Variants in SGK3 observed in about 807,000 individuals in gnomAD.
SGK3 encodes the protein serum/glucocorticoid regulated kinase family member 3, also known as serine/threonine-protein kinase Sgk3.
In SGK3, 47 loss-of-function variants were observed where a neutral mutation model predicts 68.5. The observed-to-expected ratio is 0.69, with a 90% CI of 0.54 to 0.87. The LOEUF (loss-of-function observed/expected upper bound fraction) is 0.87. Among genes scored for constraint, SGK3 ranks in the 40% least tolerant of loss-of-function variants. SGK3 has a pLI of 0.00. For missense variants in SGK3, 479 were observed against 575.5 expected, an observed-to-expected ratio of 0.83 and a Z score of 1.72; for synonymous variants, 181 against 189.1, an observed-to-expected ratio of 0.96 and a Z score of 0.35.
intron 16 of SGK3, among the ~76,000 whole-genome samples, chr8:66,858,912 A>G (rs1810641593): frequency 6.6e-6 from 1 of 152,308 alleles, no homozygotes; most frequent in Non-Finnish European, 1.5e-5. Context: ...TTAGGAGGAC[A>G]GATAACTTGA....
At position 66,771,065 on chromosome 8, in the gene SGK3, G is replaced by A. The variant is rs1413777115; in HGVS notation, c.-121-22551G>A. Among the ~76,000 whole-genome samples, 3 of 152,008 alleles carry A rather than the reference G, an allele frequency of 2.0e-5. No individual in the cohort carries two copies. The South Asian group carries it at 6.2e-4, about 32-fold the overall frequency. ...TCTTTTTCGTTTTTCCTTTTGGTTG[G>A]TTCAGGTGGGAGGGTCAATTTGGTC... is the stretch of plus-strand genomic sequence containing the variant. On this transcript the variant is annotated intron_variant, in intron 1 of 16. Transcript: ENST00000521198.
intron 1 of SGK3, among the ~76,000 whole-genome samples, chr8:66,785,090 C>T (rs1807145853): frequency 6.6e-6 from 1 of 152,242 alleles, no homozygotes; most frequent in African/African-American, 2.4e-5. Flanking sequence ...TTGACCCTTC[C>T]TGGTGGCAGA....
chr8:66,764,381 C>T (rs1806256349), intron 1 of SGK3, among the ~76,000 whole-genome samples: 1 of 152,032 alleles, frequency 6.6e-6, no homozygotes, highest in African/African-American at 2.4e-5. Flanking sequence ...AATGTTTCTG[C>T]TTTTAGTCCT....
intron 1 of SGK3, among the ~76,000 whole-genome samples, chr8:66,786,925 C>CTTTTTTTTTTTT (rs71249407): frequency 2.1e-5 from 1 of 48,684 alleles, no homozygotes; most frequent in African/African-American, 8.3e-5. Context: ...TTTTCTCTGT[C>CTTTTTTTTTTTT]TTTTTTTTTT....
intron 3 of SGK3, among the ~76,000 whole-genome samples, chr8:66,803,239 C>T (rs1808019347): frequency 1.3e-5 from 2 of 152,264 alleles, no homozygotes; most frequent in Middle Eastern, 3.4e-3. Flanking sequence ...TTACTGACAG[C>T]GTGCCCCATG....
intron 1 of SGK3, among the ~76,000 whole-genome samples, chr8:66,789,866 T>C (rs1311856541): frequency 1.3e-5 from 2 of 152,068 alleles, no homozygotes; most frequent in African/African-American, 2.4e-5. Flanking sequence ...TTGCTTGAGC[T>C]CAGAAGTTCG....
At chr8:66,768,402 G>T (rs1256460479) in intron 1 of SGK3, among the ~76,000 whole-genome samples, 1 of 149,624 alleles carries the variant, frequency 6.7e-6, no homozygotes, top group Non-Finnish European at 1.5e-5. Context: ...TGAGTCTACT[G>T]GTTATGAATT....
intron 5 of SGK3, among the ~76,000 whole-genome samples, chr8:66,819,821 T>C (rs1808737216): frequency 6.6e-6 from 1 of 151,776 alleles, no homozygotes; most frequent in African/African-American, 2.4e-5. Context: ...TTTTGTTTTT[T>C]GGTTTTTTTT....
intron 1 of SGK3, among the ~76,000 whole-genome samples, chr8:66,782,799 G>A (rs1807044732): frequency 6.6e-6 from 1 of 152,116 alleles, no homozygotes; most frequent in African/African-American, 2.4e-5. Context: ...GTCTTGTTAT[G>A]GCTGGATAGC....
intron 3 of SGK3, among the ~76,000 whole-genome samples, chr8:66,802,661 CTT>C (rs1343097453): frequency 7.3e-6 from 1 of 136,398 alleles, no homozygotes; most frequent in Non-Finnish European, 1.5e-5. Context: ...AAGACACTAT[CTT>C]AAGGGAAAAA....
At position 66,836,030 on chromosome 8, in the gene SGK3, A is replaced by G. The variant is rs1350431820; in HGVS notation, c.697A>G (p.Thr233Ala). The G allele has an allele frequency of 1.9e-6, 3 of 1,613,788 alleles. No homozygotes were observed. In the East Asian group the frequency reaches 6.7e-5, roughly 36 times the overall value. ...TGGATTGCATTATTCCTTCCAAACA[A>G]CTGAAAAGCTTTATTTTGTTCTGGA... ...LVGLHYSFQT[T>A]EKLYFVLDFV... The change falls in exon 10 of 17, where the codon ACT becomes GCT. Residue 233 changes from threonine to alanine, a missense_variant. Physicochemically the swap from Thr to Ala is moderately conservative, Grantham distance 58. Around this residue, in one of 3 missense-constraint regions of SGK3, gnomAD observed 298 missense variants for 329.4 expected, o/e 0.90. Transcript: ENST00000521198.
intron 1 of SGK3, among the ~76,000 whole-genome samples, chr8:66,732,440 A>G (rs1024697918): frequency 1.3e-5 from 2 of 151,026 alleles, no homozygotes; most frequent in Non-Finnish European, 2.9e-5. Context: ...GTGTGCCAAG[A>G]TTGTGCCACT....
intron 12 of SGK3, chr8:66,840,533 G>T (rs1809758540): frequency 3.3e-6 from 1 of 302,880 alleles, no homozygotes; most frequent in Non-Finnish European, 6.1e-6. Context: ...AAGCATGCAT[G>T]TAAAAAGTGA....
rs1164944927 is a variant in SGK3, at chr8:66,847,445, A to G, written c.1230+97A>G. 4.0e-6 allele frequency: 6 copies of G among 1,506,534 alleles called. No individual in the cohort carries two copies. The South Asian group carries it at 6.3e-5, about 16-fold the overall frequency. The allele number at this position is 1,506,534 out of a possible 1,614,324, so 93.3% of individuals were successfully genotyped here. On this transcript the variant is annotated intron_variant, in intron 15 of 16. Coordinates refer to ENST00000521198, the MANE Select transcript of SGK3 (RefSeq NM_001033578.3). Reference sequence around the variant, plus strand: ...TATGGTATTTAATGGAATGAATACAATATGCGGAGAATAGCAACATGGAAA... The same window carrying G: ...TATGGTATTTAATGGAATGAATACAGTATGCGGAGAATAGCAACATGGAAA...
chr8:66,763,942 T>C (rs1327657265), intron 1 of SGK3, among the ~76,000 whole-genome samples: 1 of 152,220 alleles, frequency 6.6e-6, no homozygotes, highest in Admixed American at 6.5e-5. Flanking sequence ...CGATCTTAGC[T>C]CACTGCGGCC....
chr8:66,846,081 T>C (rs6985273), intron 14 of SGK3, among the ~76,000 whole-genome samples: 20,468 of 151,974 alleles, frequency 0.13, 2,683 homozygotes, highest in African/African-American at 0.34. Context: ...GTGAATAAAT[T>C]GGGTTTTTTT....
intron 13 of SGK3, 73 bp from the exon 14 acceptor site, chr8:66,843,379 A>G (rs1004454935): frequency 4.1e-6 from 6 of 1,465,258 alleles, no homozygotes; most frequent in Non-Finnish European, 5.6e-6. Flanking sequence ...AATTTGTTAA[A>G]TTTCTCAATT....
At chr8:66,763,999 G>A (rs768857883) in intron 1 of SGK3, among the ~76,000 whole-genome samples, 4 of 152,122 alleles carry the variant, frequency 2.6e-5, no homozygotes, top group Non-Finnish European at 4.4e-5. Context: ...AGCCTCCCGA[G>A]TAGCTGGAAC....
rs1810718685 is a variant in SGK3 at position 66,860,717 on chromosome 8, C to A, written c.*1136C>A. The A allele has an allele frequency of 6.6e-6, 1 of 152,104 alleles. No individual in the cohort carries two copies. 9.4% of individuals were successfully genotyped at this position (152,104 alleles called of 1,614,324 possible). The stretch of plus-strand genomic sequence containing the variant: ...TTGAATGTTTAGTATGCTATTAAGT[C>A]ATTCTGAATCTTTGTATTTGCTTTT... On this transcript the variant is annotated 3_prime_UTR_variant, in exon 17 of 17. Coordinates refer to ENST00000521198, the MANE Select transcript of SGK3 (RefSeq NM_001033578.3).
Sources: allele counts gnomAD v4.1 joint callset (sites outside exome capture counted in the v4.1 genomes callset), GRCh38; gene constraint gnomAD v4.1.1; regional missense constraint gnomAD v4.1.1; transcripts MANE v1.5; gene names NCBI Gene and HGNC (gene_info 2026-07-23, HGNC 2026-07-21).